RIPOR3: variants seen among roughly 807,000 people sequenced by gnomAD.
RIPOR3 encodes the protein family with sequence similarity 65 member C.
In RIPOR3, 95 loss-of-function variants were observed where a neutral mutation model predicts 114.3. That is an observed-to-expected ratio of 0.83 (90% CI 0.70 to 0.99). RIPOR3 has a LOEUF of 0.99. Ranked by LOEUF, RIPOR3 falls within the 50% of genes least tolerant of loss-of-function variation. RIPOR3 has a pLI of 0.00. For missense variants in RIPOR3, 1,252 were observed against 1,266.9 expected, an observed-to-expected ratio of 0.99 and a Z score of 0.18; for synonymous variants, 575 against 543.8, an observed-to-expected ratio of 1.06 and a Z score of -0.80.
At chr20:50,621,532 A>G (rs2084403215) in intron 2 of RIPOR3, among the ~76,000 whole-genome samples, 3 of 152,222 alleles carry the variant, frequency 2.0e-5, no homozygotes, top group Non-Finnish European at 2.9e-5. Flanking sequence ...GCCAAGAAGT[A>G]TGGGGATCAA....
chr20:50,617,838 G>A (rs1400645398), intron 3 of RIPOR3, among the ~76,000 whole-genome samples: 1 of 151,008 alleles, frequency 6.6e-6, no homozygotes, highest in Non-Finnish European at 1.5e-5. Context: ...TGGCCACGCT[G>A]GTCTCAAACT....
chr20:50,589,625 C>T, intron 20 of RIPOR3, 61 bp downstream of exon 20: 1 of 1,553,598 alleles, frequency 6.4e-7, no homozygotes, highest in Non-Finnish European at 8.8e-7. Context: ...GTTAACTAAC[C>T]TTAACCCTAA....
intron 6 of RIPOR3, 75 bp from the exon 7 acceptor site, chr20:50,609,797 C>G: frequency 5.2e-6 from 7 of 1,343,858 alleles, no homozygotes; most frequent in Non-Finnish European, 6.7e-6. Context: ...GACTTCTCCT[C>G]TCTGGGAGAG....
chr20:50,628,691 AG>A (rs2084711845), intron 2 of RIPOR3, among the ~76,000 whole-genome samples: 1 of 152,084 alleles, frequency 6.6e-6, no homozygotes, highest in South Asian at 2.1e-4. Context: ...TGCTGCCATC[AG>A]CTCCCAGGAC....
intron 1 of RIPOR3, among the ~76,000 whole-genome samples, chr20:50,658,024 C>G (rs991302983): frequency 6.6e-6 from 1 of 152,048 alleles, no homozygotes; most frequent in Non-Finnish European, 1.5e-5. Flanking sequence ...CTCGGCCTCC[C>G]AAAGTACTGG....
intron 17 of RIPOR3, among the ~76,000 whole-genome samples, chr20:50,593,707 C>T (rs2083189477): frequency 6.6e-6 from 1 of 152,140 alleles, no homozygotes; most frequent in African/African-American, 2.4e-5. Context: ...GTGTTGGGTT[C>T]ATCCCCATGC....
intron 2 of RIPOR3, among the ~76,000 whole-genome samples, chr20:50,625,446 C>T (rs117643189): frequency 2.4e-3 from 367 of 152,330 alleles, no homozygotes; most frequent in Non-Finnish European, 3.5e-3. Flanking sequence ...CCCCTGGTAC[C>T]GTCCAGGAAA....
intron 15 of RIPOR3, 51 bp downstream of exon 15, chr20:50,596,089 G>T: frequency 6.2e-7 from 1 of 1,609,936 alleles, no homozygotes; most frequent in Non-Finnish European, 8.5e-7. Flanking sequence ...TTGCAAAGAG[G>T]ACTCCAAACC....
intron 3 of RIPOR3, 54 bp from the exon 4 acceptor site, chr20:50,616,134 G>A: frequency 1.3e-6 from 2 of 1,555,678 alleles, no homozygotes; most frequent in South Asian, 1.2e-5. Flanking sequence ...GAAAGGGAAA[G>A]GAAGTAGGCC....
At chr20:50,604,861 C>A in intron 11 of RIPOR3, 87 bp from the exon 12 acceptor site, 2 of 1,503,854 alleles carry the variant, frequency 1.3e-6, no homozygotes, top group Non-Finnish European at 1.8e-6. Flanking sequence ...TTAGGTTATG[C>A]AGGTAGATGG....
intron 1 of RIPOR3, among the ~76,000 whole-genome samples, chr20:50,668,945 C>A (rs1279469770): frequency 6.6e-6 from 1 of 152,064 alleles, no homozygotes; most frequent in Non-Finnish European, 1.5e-5. Flanking sequence ...GACATGCATT[C>A]ACATGCACAC....
In RIPOR3 at chr20:50,684,030, G is replaced by A. The variant is rs543412694; in HGVS notation, c.3+7096C>T. Among the ~76,000 whole-genome samples, 7 of 151,902 alleles carry A rather than the reference G, an allele frequency of 4.6e-5. No individual in the cohort carries two copies. In the East Asian group the frequency reaches 9.8e-4, roughly 21 times the overall value. On this transcript the variant is annotated intron_variant, in intron 1 of 21. Coordinates refer to ENST00000327979, the MANE Select transcript of RIPOR3 (RefSeq NM_001290268.2). ...CGGGAGGCAGAGGTTGCAGTGAGCC[G>A]AGATTACACCATTGTACTCCATCCT...
intron 1 of RIPOR3, among the ~76,000 whole-genome samples, chr20:50,679,119 AAAAAAAAAAAAAAAAAAT>A (rs2086769351): frequency 1.3e-5 from 1 of 74,322 alleles, no homozygotes; most frequent in African/African-American, 4.8e-5. Context: ...AAAAAAAAAA[AAAAAAAAAAAAAAAAAAT>A]ATATATATAT....
At chr20:50,614,659 T>G in intron 4 of RIPOR3, 1 of 170,400 alleles carries the variant, frequency 5.9e-6, no homozygotes, top group African/African-American at 2.4e-5. Flanking sequence ...TAATTAAAAT[T>G]AAAATTTCCA....
intron 1 of RIPOR3, among the ~76,000 whole-genome samples, chr20:50,683,972 T>TC (rs1275627749): frequency 1.3e-5 from 2 of 151,702 alleles, no homozygotes; most frequent in African/African-American, 4.8e-5. Context: ...TCCCAGCTAC[T>TC]CGGGAGGCTG....
chr20:50,594,881 G>T, intron 16 of RIPOR3, 167 bp from the exon 17 acceptor site: 1 of 716,634 alleles, frequency 1.4e-6, no homozygotes, highest in Non-Finnish European at 2.2e-6. Context: ...AGCAACTTTG[G>T]CTCTAAGCAT....
chr20:50,669,493 A>G (rs1274212758), intron 1 of RIPOR3, among the ~76,000 whole-genome samples: 1 of 152,222 alleles, frequency 6.6e-6, no homozygotes, highest in Non-Finnish European at 1.5e-5. Context: ...GAATTTGTAC[A>G]GAAGGAATAA....
Position 50,593,051 on chromosome 20 carries a change from G to C in RIPOR3, c.2358C>G (p.Thr786=), listed in dbSNP as rs779987090. ...CAGTCTTACCTTCCTTGGTGAGCTG[G>C]GTGAAGTGCTTCTCCAGGTCAGAGA... ...QSVSDLEKHF[T]QLTKEVTLIE... Residue 786 remains threonine, a synonymous_variant, in exon 18 of 22, where the codon ACC becomes ACG. Coordinates refer to ENST00000327979, the MANE Select transcript of RIPOR3 (RefSeq NM_001290268.2). 7 of 1,613,962 alleles carry C rather than the reference G, an allele frequency of 4.3e-6. No homozygotes were observed. The South Asian group carries it at 6.6e-5, about 15-fold the overall frequency.
chr20:50,655,462 G>T (rs975382523), intron 1 of RIPOR3, among the ~76,000 whole-genome samples: 1 of 152,222 alleles, frequency 6.6e-6, no homozygotes, highest in Non-Finnish European at 1.5e-5. Context: ...TATCAAGATG[G>T]GCGCGCTGAC....
Sources: gnomAD v4.1 joint callset for allele counts (sites outside exome capture counted in the v4.1 genomes callset) on GRCh38, gnomAD v4.1.1 for gene constraint, MANE v1.5 for transcripts, NCBI Gene and HGNC (gene_info 2026-07-23, HGNC 2026-07-21) for gene names.